The following CEP128 variants were observed in gnomAD, a reference collection of about 807,000 sequenced individuals.
The protein encoded by CEP128 is centrosomal protein 128, also known as centrosomal protein 128kDa.
A neutral mutation model predicts 156.7 loss-of-function variants in CEP128; 132 were observed. The observed-to-expected ratio is 0.84, with a 90% CI of 0.73 to 0.97. CEP128 has a LOEUF of 0.97. CEP128 is among the 50% of genes least tolerant of loss of function. The pLI is 0.00. For missense variants in CEP128, 1,252 were observed against 1,281.9 expected (o/e 0.98, Z 0.36); for synonymous variants, 469 against 448.9 (o/e 1.04, Z -0.57).
At chr14:80,850,689 T>G (rs1872535889) in intron 9 of CEP128, among the ~76,000 whole-genome samples, 1 of 152,198 alleles carries the variant, frequency 6.6e-6, no homozygotes, top group Admixed American at 6.5e-5. Flanking sequence ...TTATTCACGC[T>G]CACACAGCTA....
At chr14:80,754,328 G>A (rs1362940684) in intron 18 of CEP128, among the ~76,000 whole-genome samples, 1 of 152,020 alleles carries the variant, frequency 6.6e-6, no homozygotes, top group Admixed American at 6.5e-5. Context: ...TTACCTGGAT[G>A]GTTTCAATAT....
At chr14:80,750,258 C>T (rs113310163) in intron 18 of CEP128, among the ~76,000 whole-genome samples, 8 of 152,288 alleles carry the variant, frequency 5.3e-5, no homozygotes, top group African/African-American at 1.7e-4. Context: ...TAAAATGCAA[C>T]ACTTTTCCCC....
chr14:80,741,063 T>C (rs923321027), intron 19 of CEP128, among the ~76,000 whole-genome samples: 1 of 152,132 alleles, frequency 6.6e-6, no homozygotes, highest in Non-Finnish European at 1.5e-5. Context: ...GAAAGCCATG[T>C]ACACATAATA....
At chr14:80,765,066 T>C (rs1900171533) in intron 16 of CEP128, among the ~76,000 whole-genome samples, 1 of 152,182 alleles carries the variant, frequency 6.6e-6, no homozygotes, top group Admixed American at 6.5e-5. Flanking sequence ...CATTCTCATG[T>C]CCACTAAAGA....
At chr14:80,477,878 T>C (rs1886971643) in exon 15 of CEP128, 1 of 152,180 alleles carries the variant, frequency 6.6e-6, no homozygotes, top group African/African-American at 2.4e-5. Context: ...CTTGTATTAA[T>C]ATTAACATCC....
intron 19 of CEP128, among the ~76,000 whole-genome samples, chr14:80,738,926 G>A (rs535527336): frequency 3.9e-5 from 6 of 152,234 alleles, no homozygotes; most frequent in African/African-American, 7.2e-5. Context: ...TGCCAGATTC[G>A]CCACTAAGGT....
At chr14:80,494,995 T>C (rs1232626899), downstream of CEP128, among the ~76,000 whole-genome samples, 1 of 152,208 alleles carries the variant, frequency 6.6e-6, no homozygotes, top group East Asian at 1.9e-4. Context: ...TTTCTCCCCC[T>C]GTAGCCTTCA....
At chr14:80,514,644 T>C in intron 23 of CEP128, 1 of 395,224 alleles carries the variant, frequency 2.5e-6, no homozygotes, top group Non-Finnish European at 5.1e-6. Context: ...ATCTTGAATT[T>C]TGTGGTGCTA....
intron 8 of CEP128, among the ~76,000 whole-genome samples, chr14:80,869,539 A>G (rs1887926925): frequency 6.6e-6 from 1 of 152,034 alleles, no homozygotes; most frequent in Non-Finnish European, 1.5e-5. Context: ...TCAAGAAACT[A>G]AAAAACAAAA....
chr14:80,933,197 C>T (rs1032764136), intron 2 of CEP128, among the ~76,000 whole-genome samples: 6 of 152,154 alleles, frequency 3.9e-5, no homozygotes, highest in Admixed American at 1.3e-4. Flanking sequence ...TGGTGTGGTT[C>T]CCTGCCTTCC....
chr14:80,778,328 C>T (rs904294303), intron 15 of CEP128, among the ~76,000 whole-genome samples: 2 of 152,114 alleles, frequency 1.3e-5, no homozygotes, highest in Non-Finnish European at 2.9e-5. Flanking sequence ...TATTTGACAA[C>T]ACTGAAAGAG....
chr14:80,609,163 TA>T (rs1412386883), intron 19 of CEP128, among the ~76,000 whole-genome samples: 7 of 152,280 alleles, frequency 4.6e-5, no homozygotes, highest in Middle Eastern at 3.4e-3. Flanking sequence ...CATAATCAAA[TA>T]TTTGTTATAT....
At chr14:80,497,648 T>C in intron 24 of CEP128, 66 bp from the exon 25 acceptor site, 1 of 1,040,952 alleles carries the variant, frequency 9.6e-7, no homozygotes, top group Non-Finnish European at 1.5e-6. Flanking sequence ...AAAAAATTAA[T>C]TTTGCAGAAG....
downstream of CEP128, among the ~76,000 whole-genome samples, chr14:80,488,096 T>C (rs1264519637): frequency 7.0e-6 from 1 of 143,598 alleles, no homozygotes; most frequent in Non-Finnish European, 1.5e-5. Flanking sequence ...AGCTGGTTTT[T>C]TGAAAAGATC....
chr14:80,511,517 T>C lies in CEP128; in HGVS notation c.3073-6497A>G, dbSNP rs557198956. On this transcript the variant is annotated intron_variant, in intron 23 of 24. Transcript: ENST00000555265. ...CTGTTTTTCTTATTCTGGGTAAAGG[T>C]TTGTCAATTTCATCTTTTCAAAAAA... Among the ~76,000 whole-genome samples the C allele has an allele frequency of 5.9e-5, 9 of 152,056 alleles. No homozygotes were observed. The South Asian group carries it at 1.9e-3, about 32-fold the overall frequency.
At chr14:80,647,058 T>TGTGTGC (rs751298715) in intron 19 of CEP128, among the ~76,000 whole-genome samples, 6,726 of 42,626 alleles carry the variant, frequency 0.16, 1,150 homozygotes, top group Non-Finnish European at 0.2. Context: ...TATATATATA[T>TGTGTGC]ATATATATAT....
chr14:80,944,872 C>CAAAAAA (rs1886300819), upstream of CEP128, among the ~76,000 whole-genome samples: 1 of 36,374 alleles, frequency 2.7e-5, no homozygotes. Context: ...AAAAACAGAA[C>CAAAAAA]AAAACAAAAA....
chr14:80,675,961 T>TCACAAAC (rs1896043676), intron 19 of CEP128, among the ~76,000 whole-genome samples: 1 of 152,142 alleles, frequency 6.6e-6, no homozygotes, highest in African/African-American at 2.4e-5. Context: ...AACTAAAACT[T>TCACAAAC]CACAAACAGC....
At chr14:80,578,064 C>G (rs1891432210) in intron 20 of CEP128, among the ~76,000 whole-genome samples, 1 of 152,178 alleles carries the variant, frequency 6.6e-6, no homozygotes, top group Non-Finnish European at 1.5e-5. Flanking sequence ...CCTACCCTTA[C>G]CTATGACAAA....
Sources: gnomAD v4.1 joint callset for allele counts (sites outside exome capture counted in the v4.1 genomes callset) on GRCh38, gnomAD v4.1.1 for gene constraint, MANE v1.5 for transcripts, NCBI Gene and HGNC (gene_info 2026-07-23, HGNC 2026-07-21) for gene names.